ZNF341: variants seen among roughly 807,000 people sequenced by gnomAD.
ZNF341 encodes the protein zinc finger protein 341.
ZNF341 carries 52 observed loss-of-function variants against 87.7 expected under a neutral mutation model. The observed-to-expected ratio is 0.59, with a 90% confidence interval of 0.47 to 0.75. The LOEUF (loss-of-function observed/expected upper bound fraction) is 0.75. ZNF341 is among the 30% of genes least tolerant of loss of function. ZNF341 has a pLI of 0.00. For synonymous variants in ZNF341, 459 were observed against 472.7 expected (o/e 0.97, Z 0.38); for missense variants, 977 against 1,145.9 (o/e 0.85, Z 2.13).
chr20:33,763,797 T>C (rs544572029), intron 8 of ZNF341, among the ~76,000 whole-genome samples: 4 of 152,218 alleles, frequency 2.6e-5, no homozygotes, highest in East Asian at 1.9e-4. Context: ...ATCCCTGATA[T>C]TGATTTAGTT....
At chr20:33,744,788 C>T (rs531871178) in intron 2 of ZNF341, among the ~76,000 whole-genome samples, 2 of 152,168 alleles carry the variant, frequency 1.3e-5, no homozygotes, top group East Asian at 3.9e-4. Flanking sequence ...GATGGGGTTT[C>T]GCCATGTTGT....
chr20:33,777,263 C>T (rs1418510371), intron 10 of ZNF341, among the ~76,000 whole-genome samples: 1 of 133,704 alleles, frequency 7.5e-6, no homozygotes, highest in African/African-American at 2.9e-5. Flanking sequence ...GTACAGGTTG[C>T]AGTGAGCTGA....
intron 1 of ZNF341, among the ~76,000 whole-genome samples, chr20:33,734,969 G>A (rs1156606569): frequency 1.3e-5 from 2 of 151,134 alleles, no homozygotes; most frequent in Non-Finnish European, 2.9e-5. Flanking sequence ...GCCTCCCAAA[G>A]TGCTGGGATT....
rs544972758 is a variant in ZNF341, at chr20:33,781,186, T to C, written c.1623-105T>C. On this transcript the variant is annotated intron_variant, in intron 10 of 14. Transcript: ENST00000375200. ...AAGAGTGGATGGATTTGGAATGAAT[T>C]AACTGTAGGATGTTGCCTCCTAATG... The C allele has an allele frequency of 6.3e-5, 50 of 793,636 alleles. No homozygotes were observed. The East Asian group carries it at 1.2e-3, about 19-fold the overall frequency. 49.2% of individuals were successfully genotyped at this position (793,636 alleles called of 1,614,324 possible).
chr20:33,748,101 C>A (rs1332909970), intron 3 of ZNF341, among the ~76,000 whole-genome samples: 2 of 151,522 alleles, frequency 1.3e-5, no homozygotes, highest in African/African-American at 4.8e-5. Context: ...GAGATGGAGT[C>A]TCACTCTGTC....
At chr20:33,741,080 T>C in intron 2 of ZNF341, 68 bp downstream of exon 2, 1 of 1,452,738 alleles carries the variant, frequency 6.9e-7, no homozygotes, top group Non-Finnish European at 9.7e-7. Context: ...GTGGAGCTTG[T>C]GCTGGGCTGT....
intron 10 of ZNF341, among the ~76,000 whole-genome samples, chr20:33,780,543 G>A (rs2019720764): frequency 6.6e-6 from 1 of 152,060 alleles, no homozygotes; most frequent in South Asian, 2.1e-4. Flanking sequence ...GAGTAGCTGG[G>A]ATTACAGGTC....
intron 9 of ZNF341, among the ~76,000 whole-genome samples, 195 bp from the exon 10 acceptor site, chr20:33,769,889 C>T (rs146617508): frequency 1.1e-3 from 164 of 152,148 alleles, no homozygotes; most frequent in African/African-American, 3.7e-3. Flanking sequence ...CCAGCCTGGG[C>T]GATAGAGTGC....
chr20:33,783,721 T>G lies in ZNF341; in HGVS notation c.1720-11T>G, dbSNP rs1271146689. 1 of 1,613,618 alleles carries G rather than the reference T, an allele frequency of 6.2e-7. No individual in the cohort carries two copies. The highest frequency in any genetic ancestry group is 1.3e-5 in the African/African-American group (1 of 74,836). On this transcript the variant is annotated splice_polypyrimidine_tract_variant and intron_variant, in intron 11 of 14. Transcript: ENST00000375200. ...GGTGAGTCAGACCTGAAGGCCCCTCTTCTCTCCCAGGTGTTTCCTTGTGAA... is the reference window on the plus strand; with the variant it reads ...GGTGAGTCAGACCTGAAGGCCCCTCGTCTCTCCCAGGTGTTTCCTTGTGAA...
Position 33,740,900 on chromosome 20 carries a change from A to C in ZNF341, c.32-2A>C, listed in dbSNP as rs2018784906. 1 of 1,613,678 alleles carries C rather than the reference A, an allele frequency of 6.2e-7. No homozygotes were observed. Among genetic ancestry groups the C allele is most frequent in the Non-Finnish European group, 8.5e-7 (1 of 1,179,762 alleles). The stretch of plus-strand genomic sequence containing the variant: ...CCAAAGAGGCTGCACTTCTTTTTTC[A>C]GGAATGGACAATCAGACCGTTCTGG... On this transcript the variant is annotated splice_acceptor_variant, in intron 1 of 14. Coordinates refer to ENST00000375200, the MANE Select transcript of ZNF341 (RefSeq NM_001282933.2). LOFTEE classifies it high-confidence loss of function.
chr20:33,741,067 T>G, intron 2 of ZNF341, 55 bp downstream of exon 2: 2 of 1,509,806 alleles, frequency 1.3e-6, no homozygotes, highest in Non-Finnish European at 1.8e-6. Flanking sequence ...CCGCGAAGAG[T>G]AGGTGGAGCT....
Position 33,732,765 on chromosome 20 carries a change from G to A in ZNF341, c.31+713G>A, listed in dbSNP as rs972781839. Among the ~76,000 whole-genome samples the A allele has an allele frequency of 6.6e-6, 1 of 152,236 alleles. No homozygotes were observed. Among genetic ancestry groups the A allele is most frequent in the Non-Finnish European group, 1.5e-5 (1 of 68,042 alleles). ...ACTGTTCCGTGCTCTGCAAGAACCTGGGATGGGGTTGGTGCTCAGGCTCAA... is the reference window on the plus strand; with the variant it reads ...ACTGTTCCGTGCTCTGCAAGAACCTAGGATGGGGTTGGTGCTCAGGCTCAA... On this transcript the variant is annotated intron_variant, in intron 1 of 14. Coordinates refer to ENST00000375200, the MANE Select transcript of ZNF341 (RefSeq NM_001282933.2). The surrounding 1 kb of genome is among the most constrained non-coding windows in gnomAD (Gnocchi z 4.5).
At chr20:33,752,108 G>GAC in intron 4 of ZNF341, 1 of 344,460 alleles carries the variant, frequency 2.9e-6, no homozygotes, top group East Asian at 8.1e-5. Flanking sequence ...CTGCAAGCAA[G>GAC]CCCCCCCCCC....
At chr20:33,737,303 TTTTA>T (rs999434655) in intron 1 of ZNF341, among the ~76,000 whole-genome samples, 3 of 151,978 alleles carry the variant, frequency 2.0e-5, no homozygotes, top group East Asian at 1.9e-4. Flanking sequence ...GGTTTTTTAT[TTTTA>T]TTTATTTATT....
chr20:33,748,878 T>A (rs1880101939), intron 3 of ZNF341, 45 bp from the exon 4 acceptor site: 2 of 1,567,240 alleles, frequency 1.3e-6, no homozygotes, highest in Non-Finnish European at 1.7e-6. Flanking sequence ...ACACACACAC[T>A]CTGTCTCTCT....
intron 11 of ZNF341, 54 bp downstream of exon 11, chr20:33,781,441 G>A: frequency 1.3e-6 from 2 of 1,515,298 alleles, no homozygotes; most frequent in South Asian, 1.1e-5. Context: ...GGGCAAGGAG[G>A]TGGGGTGGGG....
At chr20:33,737,023 G>A (rs2018702604) in intron 1 of ZNF341, among the ~76,000 whole-genome samples, 1 of 152,170 alleles carries the variant, frequency 6.6e-6, no homozygotes, top group Non-Finnish European at 1.5e-5. Flanking sequence ...AGGTAGAGAA[G>A]ACCCAGGAAG....
At position 33,758,196 on chromosome 20, in the gene ZNF341, A is replaced by G. The variant is rs149025958; in HGVS notation, c.938-520A>G. Among the ~76,000 whole-genome samples, 4 of 152,298 alleles carry G rather than the reference A, an allele frequency of 2.6e-5. No individual in the cohort carries two copies. In the East Asian group the frequency reaches 7.7e-4, roughly 29 times the overall value. On this transcript the variant is annotated intron_variant, in intron 6 of 14. Coordinates refer to ENST00000375200, the MANE Select transcript of ZNF341 (RefSeq NM_001282933.2). The stretch of plus-strand genomic sequence containing the variant: ...CTGGGTTGCTCCAGGAAGGAGGTTA[A>G]TGGGTCTTATGATTGAGAATAACTA...
intron 4 of ZNF341, chr20:33,752,466 G>T: frequency 1.8e-6 from 1 of 560,188 alleles, no homozygotes; most frequent in Admixed American, 2.1e-5. Flanking sequence ...GAATGTTGAT[G>T]GTGTATTCTC....
Sources: allele counts gnomAD v4.1 joint callset (sites outside exome capture counted in the v4.1 genomes callset), GRCh38; gene constraint gnomAD v4.1.1; non-coding constraint Gnocchi (gnomAD v3.1); transcripts MANE v1.5; gene names NCBI Gene and HGNC (gene_info 2026-07-23, HGNC 2026-07-21).